The following C16orf74 variants were observed in gnomAD, a reference collection of about 807,000 sequenced individuals.
The protein encoded by C16orf74 is uncharacterized protein C16orf74.
Under a neutral mutation model 6.5 loss-of-function variants are expected in C16orf74, and 10 were observed. That is an observed-to-expected ratio of 1.54 (90% CI 0.95 to 2.61). The LOEUF (loss-of-function observed/expected upper bound fraction) is 2.61, where lower values mean the gene tolerates loss of function less well. Ranked by LOEUF, C16orf74 falls within the 30% of genes most tolerant of loss-of-function variation. The pLI is 0.00. For missense variants in C16orf74, 141 were observed against 105.9 expected (o/e 1.33, Z -1.45); for synonymous variants, 60 against 42.5 (o/e 1.41, Z -1.60).
In C16orf74 at chr16:85,707,723, C is replaced by T; in HGVS notation, c.*285G>A. 2.2e-6 allele frequency: 1 copy of T among 451,352 alleles called. No individual in the cohort carries two copies. The highest frequency in any genetic ancestry group is 4.0e-6 in the Non-Finnish European group (1 of 252,082). The allele number at this position is 451,352 out of a possible 1,614,324, so 28.0% of individuals were successfully genotyped here. ...TCCAGAAGAGAGCCTCTCCCTGGGA[C>T]CCCAACAGCCAGGACCATGGCGCTC... is the stretch of plus-strand genomic sequence containing the variant. On this transcript the variant is annotated 3_prime_UTR_variant, in exon 4 of 4. Coordinates refer to ENST00000284245, the MANE Select transcript of C16orf74 (RefSeq NM_206967.3).
At position 85,707,736 on chromosome 16, in the gene C16orf74, G is replaced by T; in HGVS notation, c.*272C>A. The T allele has an allele frequency of 2.0e-6, 1 of 490,698 alleles. No homozygotes were observed. Among genetic ancestry groups the T allele is most frequent in the Non-Finnish European group, 3.6e-6 (1 of 274,548 alleles). 30.4% of individuals were successfully genotyped at this position (490,698 alleles called of 1,614,324 possible). A position where few individuals can be genotyped will look rare whatever the true frequency, so the allele number is the denominator to read the frequency against. On this transcript the variant is annotated 3_prime_UTR_variant, in exon 4 of 4. Transcript: ENST00000284245. ...CTCTCCCTGGGACCCCAACAGCCAG[G>T]ACCATGGCGCTCCCTTTCACCAGGC...
intron 2 of C16orf74, among the ~76,000 whole-genome samples, chr16:85,725,258 G>T (rs765585703): frequency 6.6e-6 from 1 of 152,168 alleles, no homozygotes; most frequent in South Asian, 2.1e-4. Context: ...CCTGGGCAGA[G>T]ATCTGTTCAG....
At chr16:85,713,365 G>A (rs925940571) in intron 2 of C16orf74, among the ~76,000 whole-genome samples, 52 of 152,062 alleles carry the variant, frequency 3.4e-4, no homozygotes, top group Non-Finnish European at 3.8e-4. Flanking sequence ...TCTGCCTCTC[G>A]GGTTCAAACA....
chr16:85,724,851 G>A (rs974716211), intron 2 of C16orf74, among the ~76,000 whole-genome samples: 12 of 152,190 alleles, frequency 7.9e-5, no homozygotes, highest in Non-Finnish European at 2.9e-5. Flanking sequence ...CAAAAAGACA[G>A]CGTGGTTCCT....
intron 2 of C16orf74, among the ~76,000 whole-genome samples, chr16:85,715,672 T>C (rs2054016200): frequency 6.6e-6 from 1 of 152,208 alleles, no homozygotes. Flanking sequence ...TAAAACTTTC[T>C]TTCTAAAAGC....
At chr16:85,738,307 G>C (rs1224981680) in intron 1 of C16orf74, among the ~76,000 whole-genome samples, 1 of 150,566 alleles carries the variant, frequency 6.6e-6, no homozygotes, top group African/African-American at 2.5e-5. Context: ...AATTGGTCTG[G>C]TGTGTGGCTG....
chr16:85,721,783 T>C (rs433559), intron 2 of C16orf74, among the ~76,000 whole-genome samples: 55,818 of 151,918 alleles, frequency 0.37, 10,675 homozygotes, highest in African/African-American at 0.46. Flanking sequence ...CCCCATGTGG[T>C]CCCAGTGCCT....
At chr16:85,739,422 G>A (rs143649526) in intron 1 of C16orf74, among the ~76,000 whole-genome samples, 2 of 152,204 alleles carry the variant, frequency 1.3e-5, no homozygotes, top group Non-Finnish European at 2.9e-5. Flanking sequence ...CTGTACAGAA[G>A]TTCTCACAGA....
chr16:85,713,303 ACT>A (rs1360087967), intron 2 of C16orf74, among the ~76,000 whole-genome samples: 1 of 151,028 alleles, frequency 6.6e-6, no homozygotes, highest in African/African-American at 2.4e-5. Context: ...GACGGATCTC[ACT>A]CTGTCACCCA....
intron 2 of C16orf74, among the ~76,000 whole-genome samples, chr16:85,726,875 G>A (rs563499390): frequency 1.8e-4 from 28 of 151,976 alleles, no homozygotes; most frequent in South Asian, 4.2e-4. Flanking sequence ...TTCCCAGCCC[G>A]TGCCCATGAG....
chr16:85,711,218 C>G (rs1248481897), intron 2 of C16orf74, among the ~76,000 whole-genome samples: 3 of 149,646 alleles, frequency 2.0e-5, no homozygotes, highest in Non-Finnish European at 4.4e-5. Flanking sequence ...GGAGCTGAAG[C>G]AGGAGGAGAA....
intron 2 of C16orf74, among the ~76,000 whole-genome samples, chr16:85,719,544 G>A (rs1345421187): frequency 2.6e-5 from 4 of 152,108 alleles, no homozygotes; most frequent in Non-Finnish European, 5.9e-5. Context: ...AGAAGTCAGG[G>A]CACAGCCTGT....
At chr16:85,745,287 C>G (rs1006183768) in intron 1 of C16orf74, among the ~76,000 whole-genome samples, 2 of 151,920 alleles carry the variant, frequency 1.3e-5, no homozygotes, top group African/African-American at 2.4e-5. Context: ...GCAAGACAGA[C>G]AGACATCAGA....
chr16:85,708,104 G>A (rs778096568), intron 3 of C16orf74, 38 bp from the exon 4 acceptor site: 103 of 1,508,352 alleles, frequency 6.8e-5, no homozygotes, highest in Non-Finnish European at 8.8e-5. Flanking sequence ...GATGCACCCT[G>A]CCCCCACCAC....
At chr16:85,719,814 G>C (rs1454722678) in intron 2 of C16orf74, among the ~76,000 whole-genome samples, 1 of 149,938 alleles carries the variant, frequency 6.7e-6, no homozygotes, top group South Asian at 2.1e-4. Context: ...CACACACAAA[G>C]GCCCTGAGGC....
chr16:85,716,038 G>A (rs2054020201), intron 2 of C16orf74, among the ~76,000 whole-genome samples: 1 of 150,152 alleles, frequency 6.7e-6, no homozygotes, highest in Non-Finnish European at 1.5e-5. Context: ...AAAAGGAATC[G>A]CTGATGATCG....
chr16:85,739,333 C>T (rs1006322578), intron 1 of C16orf74, among the ~76,000 whole-genome samples: 1 of 152,200 alleles, frequency 6.6e-6, no homozygotes, highest in Non-Finnish European at 1.5e-5. Context: ...TCCCTTTTAT[C>T]CTGTCTTTGT....
intron 1 of C16orf74, among the ~76,000 whole-genome samples, chr16:85,736,939 G>C (rs1163219396): frequency 6.6e-6 from 1 of 152,178 alleles, no homozygotes; most frequent in Non-Finnish European, 1.5e-5. Flanking sequence ...GGCTACTCAG[G>C]AGGCTGAGGC....
chr16:85,744,611 A>G (rs1374279560), intron 1 of C16orf74, among the ~76,000 whole-genome samples: 2 of 152,088 alleles, frequency 1.3e-5, no homozygotes, highest in Non-Finnish European at 2.9e-5. Context: ...CGGGCGGATC[A>G]CGAGGTCAGG....
Sources: gnomAD v4.1 joint callset for allele counts (sites outside exome capture counted in the v4.1 genomes callset) on GRCh38, gnomAD v4.1.1 for gene constraint, MANE v1.5 for transcripts, NCBI Gene and HGNC (gene_info 2026-07-23, HGNC 2026-07-21) for gene names.